The following SECISBP2L variants were observed in gnomAD, a reference collection of about 807,000 sequenced individuals.
SECISBP2L encodes selenocysteine insertion sequence-binding protein 2-like.
Under a neutral mutation model 114.7 loss-of-function variants are expected in SECISBP2L, and 43 were observed. That is an observed-to-expected ratio of 0.38 (90% CI 0.29 to 0.48). The LOEUF is 0.48. SECISBP2L is among the 20% of genes least tolerant of loss of function. The probability of loss-of-function intolerance (pLI) is 0.98; values close to 1 mark genes in which losing one functional copy is unlikely to be tolerated. For missense variants in SECISBP2L, 1,136 were observed against 1,301.1 expected (o/e 0.87, Z 1.95); for synonymous variants, 451 against 439.7 (o/e 1.03, Z -0.32).
In SECISBP2L at chr15:49,037,592, T is replaced by C; in HGVS notation, c.202A>G (p.Arg68Gly). 6.2e-7 allele frequency: 1 copy of C among 1,612,644 alleles called. No homozygotes were observed. The highest frequency in any genetic ancestry group is 8.5e-7 in the Non-Finnish European group (1 of 1,179,558). ...AGAAAATAAAAATAAACAAATTACCTATTGGACTGGTTTTCCTGCACAAAT... is the reference window on the plus strand; with the variant it reads ...AGAAAATAAAAATAAACAAATTACCCATTGGACTGGTTTTCCTGCACAAAT... ...YPFVQENQSN[R>G]QFPLYNNDIR... is the part of the protein sequence containing the mutation. Residue 68 changes from arginine to glycine, a missense_variant and splice_region_variant, in exon 2 of 18, where the codon AGA (arginine) becomes GGA (glycine). Around this residue, in one of 2 missense-constraint regions of SECISBP2L, gnomAD observed 452 missense variants for 452.3 expected, o/e 1.00. Coordinates refer to ENST00000559471, the MANE Select transcript of SECISBP2L (RefSeq NM_001193489.2).
intron 11 of SECISBP2L, among the ~76,000 whole-genome samples, chr15:49,014,480 T>A (rs1265135811): frequency 1.3e-5 from 2 of 152,012 alleles, no homozygotes; most frequent in African/African-American, 4.8e-5. Flanking sequence ...ACCACCAGAA[T>A]CTCCCATGCT....
chr15:49,019,399 T>TA lies in SECISBP2L; in HGVS notation c.1170+18dup, dbSNP rs901757521. 4 of 1,411,318 alleles carry TA rather than the reference T, an allele frequency of 2.8e-6. No homozygotes were observed. The highest frequency in any genetic ancestry group is 3.7e-6 in the Non-Finnish European group (4 of 1,091,180). The allele number at this position is 1,411,318 out of a possible 1,614,324, so 87.4% of individuals were successfully genotyped here. ...AACATTTCCTATAACAGCTTACAAA[T>TA]AGAGTTTGAAAAAAATACCTCAAAA... On this transcript the variant is annotated intron_variant, in intron 8 of 17. Transcript: ENST00000559471.
chr15:49,012,012 C>T, intron 12 of SECISBP2L, 149 bp from the exon 13 acceptor site: 1 of 768,254 alleles, frequency 1.3e-6, no homozygotes, highest in South Asian at 2.0e-5. Context: ...AATGTAATTT[C>T]AGACACTGTA....
intron 3 of SECISBP2L, among the ~76,000 whole-genome samples, chr15:49,034,215 G>A (rs183966459): frequency 6.6e-6 from 1 of 152,212 alleles, no homozygotes; most frequent in East Asian, 1.9e-4. Flanking sequence ...GGAATCTAGG[G>A]AAAGCATCAA....
intron 13 of SECISBP2L, among the ~76,000 whole-genome samples, chr15:49,009,843 C>T (rs1480338773): frequency 6.6e-6 from 1 of 152,178 alleles, no homozygotes; most frequent in Non-Finnish European, 1.5e-5. Flanking sequence ...AAAATCTGCA[C>T]CTCTTAGGCC....
At chr15:49,009,831 A>T (rs1902401023) in intron 13 of SECISBP2L, among the ~76,000 whole-genome samples, 1 of 152,142 alleles carries the variant, frequency 6.6e-6, no homozygotes, top group African/African-American at 2.4e-5. Context: ...AATTAAAGAG[A>T]AAAAATCTGC....
chr15:49,037,031 GA>G (rs768551521), intron 2 of SECISBP2L, among the ~76,000 whole-genome samples: 2 of 152,122 alleles, frequency 1.3e-5, no homozygotes, highest in Non-Finnish European at 2.9e-5. Flanking sequence ...AGCAGGGTTA[GA>G]ATGGCTATCA....
At chr15:49,020,474 A>C (rs1365100081) in intron 7 of SECISBP2L, among the ~76,000 whole-genome samples, 2 of 152,020 alleles carry the variant, frequency 1.3e-5, no homozygotes, top group Non-Finnish European at 1.5e-5. Flanking sequence ...GGCCTCTCAA[A>C]GTACTGAGAT....
Position 49,000,922 on chromosome 15 carries a change from T to G in SECISBP2L, c.2203A>C (p.Lys735Gln), listed in dbSNP as rs758617373. ...VTKHMKLNKI[K>Q]CVIISPNCEK... ...CAGTTTGGAGAAATTATAACACACT[T>G]GATCTTGTTTAACTTCATATGTTTG... The change falls in exon 15 of 18, where the codon AAG (lysine) becomes CAG (glutamine). Residue 735 changes from lysine to glutamine, a missense_variant. By Grantham distance (53) the Lys-to-Gln change is moderately conservative (BLOSUM62 1). This residue lies in a region of SECISBP2L where 684 missense variants were observed against 848.7 expected (regional missense o/e 0.81). Coordinates refer to ENST00000559471, the MANE Select transcript of SECISBP2L (RefSeq NM_001193489.2). 6.2e-7 allele frequency: 1 copy of G among 1,613,664 alleles called. No homozygotes were observed. Among genetic ancestry groups the G allele is most frequent in the Non-Finnish European group, 8.5e-7 (1 of 1,179,816 alleles).
Position 49,016,557 on chromosome 15 carries a change from C to T in SECISBP2L, c.1561+3G>A. ...AGCAAATTGCTCAGACTAATGATAT[C>T]ACCTGTATATGACAGAGGTCTGGTG... On this transcript the variant is annotated splice_donor_region_variant and intron_variant, in intron 11 of 17. Coordinates refer to ENST00000559471, the MANE Select transcript of SECISBP2L (RefSeq NM_001193489.2). 6.3e-7 allele frequency: 1 copy of T among 1,594,370 alleles called. No homozygotes were observed. The highest frequency in any genetic ancestry group is 8.5e-7 in the Non-Finnish European group (1 of 1,173,220).
At position 49,046,332 on chromosome 15, in the gene SECISBP2L, C is replaced by T; in HGVS notation, c.-33G>A. 2 of 1,521,096 alleles carry T rather than the reference C, an allele frequency of 1.3e-6. No homozygotes were observed. Among genetic ancestry groups the T allele is most frequent in the Non-Finnish European group, 1.8e-6 (2 of 1,133,320 alleles). 94.2% of individuals were successfully genotyped at this position (1,521,096 alleles called of 1,614,324 possible). A position where few individuals can be genotyped will look rare whatever the true frequency, so the allele number is the denominator to read the frequency against. Reference sequence around the variant, plus strand: ...GCAGCCGCAACGGGCCCGCGCTAGTCGGTGTAAACAGCGCCTCGGGCCGCT... The same window carrying T: ...GCAGCCGCAACGGGCCCGCGCTAGTTGGTGTAAACAGCGCCTCGGGCCGCT... On this transcript the variant is annotated 5_prime_UTR_variant, in exon 1 of 18. Transcript: ENST00000559471.
intron 4 of SECISBP2L, among the ~76,000 whole-genome samples, chr15:49,030,560 T>C (rs547525666): frequency 6.6e-6 from 1 of 152,372 alleles, no homozygotes; most frequent in East Asian, 1.9e-4. Context: ...GTTATATACA[T>C]GGTAAAAGTC....
Position 48,992,779 on chromosome 15 carries a change from A to G in SECISBP2L, c.2771T>C (p.Val924Ala). ...TPPIGKQPSL[V>A]ATGSTTSATS... Reference sequence around the variant, plus strand: ...AGCTGAGGTAGTACTGCCTGTAGCCACTAATGATGGCTGCTTACCAATTGG... The same window carrying G: ...AGCTGAGGTAGTACTGCCTGTAGCCGCTAATGATGGCTGCTTACCAATTGG... Residue 924 changes from valine to alanine, a missense_variant, in exon 18 of 18, where the codon GTG becomes GCG. Around this residue, in one of 2 missense-constraint regions of SECISBP2L, gnomAD observed 684 missense variants for 848.7 expected, o/e 0.81. Coordinates refer to ENST00000559471, the MANE Select transcript of SECISBP2L (RefSeq NM_001193489.2). The G allele has an allele frequency of 6.2e-7, 1 of 1,614,182 alleles. No individual in the cohort carries two copies. Among genetic ancestry groups the G allele is most frequent in the Non-Finnish European group, 8.5e-7 (1 of 1,180,040 alleles).
At position 49,046,377 on chromosome 15, in the gene SECISBP2L, C is replaced by G. The variant is rs1362247957; in HGVS notation, c.-78G>C. On this transcript the variant is annotated 5_prime_UTR_variant, in exon 1 of 18. Coordinates refer to ENST00000559471, the MANE Select transcript of SECISBP2L (RefSeq NM_001193489.2). ...GCCGCTTTCTCCATGGCCCCCCGCT[C>G]GGGTCCAGACTGGGTTCCGGACCTC... 2 of 1,374,260 alleles carry G rather than the reference C, an allele frequency of 1.5e-6. No individual in the cohort carries two copies. Among genetic ancestry groups the G allele is most frequent in the African/African-American group, 3.1e-5 (2 of 65,556 alleles). 85.1% of individuals were successfully genotyped at this position (1,374,260 alleles called of 1,614,324 possible).
rs142680463 is a variant in SECISBP2L at position 49,030,486 on chromosome 15, G to C, written c.665-1804C>G. Among the ~76,000 whole-genome samples, 817 of 152,212 alleles carry C rather than the reference G, an allele frequency of 5.4e-3. 7 individuals carry two copies. The highest frequency in any genetic ancestry group is 0.019 in the African/African-American group (773 of 41,526). On this transcript the variant is annotated intron_variant, in intron 4 of 17. Transcript: ENST00000559471. ...AGTGTTCCACGGGCCCCAAGGACAG[G>C]GTGGGATCATTCTCTTATTGATTCA...
At chr15:49,037,994 A>G (rs1412012753) in intron 1 of SECISBP2L, among the ~76,000 whole-genome samples, 1 of 152,206 alleles carries the variant, frequency 6.6e-6, no homozygotes, top group East Asian at 1.9e-4. Context: ...CAAATGTTAC[A>G]TTTCAATGTA....
chr15:49,005,526 T>C (rs182630473), intron 14 of SECISBP2L, among the ~76,000 whole-genome samples: 95 of 151,212 alleles, frequency 6.3e-4, no homozygotes, highest in Non-Finnish European at 1.1e-3. Context: ...TGGTTTAAAG[T>C]CTGTTTTATC....
intron 16 of SECISBP2L, among the ~76,000 whole-genome samples, chr15:48,998,204 G>T (rs992915129): frequency 1.3e-5 from 2 of 152,198 alleles, no homozygotes; most frequent in African/African-American, 4.8e-5. Context: ...AGTCTCTGAA[G>T]ATTCATCTCA....
At position 49,022,398 on chromosome 15, in the gene SECISBP2L, G is replaced by A. The variant is rs550376933; in HGVS notation, c.1036-2846C>T. Among the ~76,000 whole-genome samples the A allele has an allele frequency of 1.2e-4, 18 of 152,322 alleles. No individual in the cohort carries two copies. In the East Asian group the frequency reaches 3.3e-3, roughly 28 times the overall value. ...ATGGATCGCTTGAGGTCAGGAGTTC[G>A]AGACCAGTCTGGCCAACATGGTGAA... On this transcript the variant is annotated intron_variant, in intron 7 of 17. Coordinates refer to ENST00000559471, the MANE Select transcript of SECISBP2L (RefSeq NM_001193489.2).
Sources: allele counts gnomAD v4.1 joint callset (sites outside exome capture counted in the v4.1 genomes callset), GRCh38; gene constraint gnomAD v4.1.1; regional missense constraint gnomAD v4.1.1; transcripts MANE v1.5; gene names NCBI Gene and HGNC (gene_info 2026-07-23, HGNC 2026-07-21).